Variants in CSNK1G3 observed in about 807,000 individuals in gnomAD.
The protein encoded by CSNK1G3 is casein kinase 1 gamma 3.
Under a neutral mutation model 64.3 loss-of-function variants are expected in CSNK1G3, and 23 were observed. The observed-to-expected ratio is 0.36, with a 90% CI of 0.26 to 0.51. The LOEUF (loss-of-function observed/expected upper bound fraction) is 0.51, where lower values mean the gene tolerates loss of function less well. Ranked by LOEUF, CSNK1G3 falls within the 20% of genes least tolerant of loss-of-function variation. CSNK1G3 has a pLI of 0.96. For missense variants in CSNK1G3, 357 were observed against 510.5 expected (o/e 0.70, Z 2.90); for synonymous variants, 158 against 162.2 (o/e 0.97, Z 0.20).
intron 10 of CSNK1G3, among the ~76,000 whole-genome samples, chr5:123,594,623 A>G (rs1273653717): frequency 6.6e-6 from 1 of 152,206 alleles, no homozygotes; most frequent in Admixed American, 6.5e-5. Flanking sequence ...TGCTAAAAAT[A>G]GCTCCTCATC....
At chr5:123,551,349 G>T (rs1268658153) in intron 2 of CSNK1G3, among the ~76,000 whole-genome samples, 1 of 151,986 alleles carries the variant, frequency 6.6e-6, no homozygotes, top group Non-Finnish European at 1.5e-5. Context: ...TGAACTAATT[G>T]ACTAAAAATA....
intron 1 of CSNK1G3, among the ~76,000 whole-genome samples, chr5:123,519,846 A>G (rs1446624152): frequency 1.3e-5 from 2 of 152,198 alleles, no homozygotes; most frequent in African/African-American, 4.8e-5. Flanking sequence ...CCTAATTACT[A>G]GTGGAGTGCT....
At chr5:123,540,140 A>G (rs1473761994) in intron 1 of CSNK1G3, among the ~76,000 whole-genome samples, 1 of 151,536 alleles carries the variant, frequency 6.6e-6, no homozygotes, top group African/African-American at 2.4e-5. Context: ...TCTCTGGATA[A>G]TTTCTTTGGA....
intron 4 of CSNK1G3, among the ~76,000 whole-genome samples, chr5:123,566,346 T>C (rs935315526): frequency 6.6e-6 from 1 of 152,240 alleles, no homozygotes; most frequent in South Asian, 2.1e-4. Flanking sequence ...AAAGTAAAGA[T>C]ATTGGAAATT....
chr5:123,608,995 T>A (rs956109112), intron 12 of CSNK1G3, among the ~76,000 whole-genome samples: 4 of 152,116 alleles, frequency 2.6e-5, no homozygotes, highest in Non-Finnish European at 4.4e-5. Flanking sequence ...ACACTAGTTC[T>A]CAAAGATGAG....
At chr5:123,603,850 A>G (rs1380336768) in intron 10 of CSNK1G3, among the ~76,000 whole-genome samples, 1 of 152,190 alleles carries the variant, frequency 6.6e-6, no homozygotes, top group Non-Finnish European at 1.5e-5. Flanking sequence ...GTAGGCAGGC[A>G]TCACATCATG....
Position 123,521,745 on chromosome 5 carries a change from A to G in CSNK1G3, c.-248+9175A>G, listed in dbSNP as rs571798269. ...AAAGATAGTTCATGCAGTCCTTGCT[A>G]TGGGCTGGGAATGCTAACATTTAAC... On this transcript the variant is annotated intron_variant, in intron 1 of 12. Transcript: ENST00000345990. Among the ~76,000 whole-genome samples, 7 of 152,308 alleles carry G rather than the reference A, an allele frequency of 4.6e-5. No individual in the cohort carries two copies. The South Asian group carries it at 6.2e-4, about 14-fold the overall frequency.
At chr5:123,590,236 C>T (rs1007626231) in intron 8 of CSNK1G3, among the ~76,000 whole-genome samples, 174 bp from the exon 9 acceptor site, 2 of 151,920 alleles carry the variant, frequency 1.3e-5, no homozygotes, top group Admixed American at 1.3e-4. Context: ...TATTCCCTTC[C>T]TTCTTTTCCT....
At chr5:123,544,144 A>G (rs892747855) in intron 1 of CSNK1G3, among the ~76,000 whole-genome samples, 2 of 152,136 alleles carry the variant, frequency 1.3e-5, no homozygotes, top group Admixed American at 6.6e-5. Context: ...GCTCACTGCA[A>G]CCTTGGCGTT....
At chr5:123,587,747 C>G (rs971703004) in intron 6 of CSNK1G3, among the ~76,000 whole-genome samples, 8 of 152,142 alleles carry the variant, frequency 5.3e-5, no homozygotes, top group Non-Finnish European at 7.4e-5. Context: ...TAAGACAGAG[C>G]TGTAGTATAC....
intron 4 of CSNK1G3, among the ~76,000 whole-genome samples, chr5:123,567,289 C>A (rs1787100323): frequency 6.6e-6 from 1 of 152,180 alleles, no homozygotes; most frequent in African/African-American, 2.4e-5. Context: ...CAAACCATAT[C>A]AGTGACTCAT....
intron 10 of CSNK1G3, among the ~76,000 whole-genome samples, chr5:123,594,523 A>G (rs1283364239): frequency 6.6e-6 from 1 of 152,168 alleles, no homozygotes; most frequent in Non-Finnish European, 1.5e-5. Context: ...TTCTCATATT[A>G]TCCTTAGAAT....
At chr5:123,531,832 T>C (rs1779986171) in intron 1 of CSNK1G3, among the ~76,000 whole-genome samples, 1 of 151,912 alleles carries the variant, frequency 6.6e-6, no homozygotes, top group Non-Finnish European at 1.5e-5. Context: ...CTTGTAAAAA[T>C]AAAAATGTAG....
chr5:123,533,365 A>G (rs760699073), intron 1 of CSNK1G3, among the ~76,000 whole-genome samples: 3 of 151,924 alleles, frequency 2.0e-5, no homozygotes, highest in Non-Finnish European at 4.4e-5. Context: ...ATTGAATTTA[A>G]AAGTTGAAAA....
At chr5:123,574,748 T>G (rs1186238820) in intron 5 of CSNK1G3, among the ~76,000 whole-genome samples, 2 of 152,118 alleles carry the variant, frequency 1.3e-5, no homozygotes, top group Admixed American at 6.5e-5. Context: ...GAGGATTGCT[T>G]GAGCCCGGAG....
At chr5:123,605,919 A>C (rs1402182240) in intron 12 of CSNK1G3, among the ~76,000 whole-genome samples, 1 of 152,112 alleles carries the variant, frequency 6.6e-6, no homozygotes, top group Non-Finnish European at 1.5e-5. Context: ...AAGTAACATT[A>C]ATAGAAATAA....
intron 1 of CSNK1G3, among the ~76,000 whole-genome samples, chr5:123,534,357 G>C (rs1323495511): frequency 1.8e-4 from 27 of 152,042 alleles, no homozygotes; most frequent in Admixed American, 1.8e-3. Context: ...ATAATATAAA[G>C]AGGTCTGGAA....
intron 10 of CSNK1G3, among the ~76,000 whole-genome samples, chr5:123,596,818 A>C (rs371427265): frequency 6.6e-6 from 1 of 152,120 alleles, no homozygotes; most frequent in African/African-American, 2.4e-5. Flanking sequence ...CATTGACTTC[A>C]TGTATTTTGT....
intron 1 of CSNK1G3, among the ~76,000 whole-genome samples, chr5:123,544,542 C>G (rs925288656): frequency 2.6e-5 from 4 of 152,172 alleles, no homozygotes; most frequent in African/African-American, 9.7e-5. Flanking sequence ...TTTATAACTT[C>G]TTTAATAGCA....
Sources: allele counts gnomAD v4.1 joint callset (sites outside exome capture counted in the v4.1 genomes callset), GRCh38; gene constraint gnomAD v4.1.1; transcripts MANE v1.5; gene names NCBI Gene and HGNC (gene_info 2026-07-23, HGNC 2026-07-21).